DMRT1: variants seen among roughly 807,000 people sequenced by gnomAD.
DMRT1 encodes the protein doublesex- and mab-3-related transcription factor 1.
DMRT1 carries 7 observed loss-of-function variants against 32.3 expected under a neutral mutation model. That is an observed-to-expected ratio of 0.22 (90% CI 0.12 to 0.41). The LOEUF is 0.41. Ranked by LOEUF, DMRT1 falls within the 10% of genes least tolerant of loss-of-function variation. The pLI is 1.00. For synonymous variants in DMRT1, 278 were observed against 206.1 expected, an observed-to-expected ratio of 1.35 and a Z score of -2.99; for missense variants, 625 against 500.5, an observed-to-expected ratio of 1.25 and a Z score of -2.37.
At chr9:902,865 C>G (rs968399857) in intron 3 of DMRT1, among the ~76,000 whole-genome samples, 10 of 152,064 alleles carry the variant, frequency 6.6e-5, no homozygotes, top group African/African-American at 2.2e-4. Context: ...TCACAGGAAC[C>G]CCAAGTAGGT....
chr9:947,689 T>C (rs983790797), intron 4 of DMRT1, among the ~76,000 whole-genome samples: 1 of 152,160 alleles, frequency 6.6e-6, no homozygotes, highest in Admixed American at 6.5e-5. Context: ...AGTGGCGCGA[T>C]CTCGGCTCAC....
intron 2 of DMRT1, among the ~76,000 whole-genome samples, chr9:874,723 G>C (rs891593773): frequency 1.3e-5 from 2 of 150,760 alleles, no homozygotes; most frequent in Admixed American, 6.6e-5. Context: ...CTTCTTGGCT[G>C]TCTTGGCCTT....
intron 2 of DMRT1, among the ~76,000 whole-genome samples, chr9:883,734 G>A (rs922408240): frequency 6.6e-6 from 1 of 151,222 alleles, no homozygotes; most frequent in African/African-American, 2.4e-5. Flanking sequence ...GGAGGCTGCC[G>A]TGAGCCATGA....
intron 2 of DMRT1, among the ~76,000 whole-genome samples, chr9:891,405 C>T (rs549367226): frequency 1.3e-5 from 2 of 151,658 alleles, no homozygotes; most frequent in Admixed American, 6.6e-5. Flanking sequence ...GAGCCGAGAT[C>T]GTACCACTGC....
chr9:898,029 C>G (rs996566386), intron 3 of DMRT1, among the ~76,000 whole-genome samples: 2 of 151,866 alleles, frequency 1.3e-5, no homozygotes, highest in African/African-American at 4.9e-5. Context: ...TAGTAAAAAT[C>G]TACAAATAAT....
At chr9:889,776 T>A (rs138774685) in intron 2 of DMRT1, among the ~76,000 whole-genome samples, 1 of 152,352 alleles carries the variant, frequency 6.6e-6, no homozygotes, top group African/African-American at 2.4e-5. Context: ...TATTTTGTTT[T>A]CTTTTTTAAG....
chr9:884,563 A>C (rs762645875), intron 2 of DMRT1, among the ~76,000 whole-genome samples: 90 of 152,214 alleles, frequency 5.9e-4, no homozygotes, highest in Non-Finnish European at 9.6e-4. Flanking sequence ...GCTATTGGTA[A>C]TTTTTCCAGA....
rs562785097 is a variant in DMRT1 at position 928,844 on chromosome 9, A to T, written c.967+11937A>T. On this transcript the variant is annotated intron_variant, in intron 4 of 4. Transcript: ENST00000382276. ...AAATTTAAATTTTATTTATTTATTT[A>T]TTTTTATTTATTTATTTATTTATTT... Among the ~76,000 whole-genome samples, 321 of 149,498 alleles carry T rather than the reference A, an allele frequency of 2.1e-3. 4 individuals carry two copies. The South Asian group carries it at 0.022, about 10-fold the overall frequency.
At chr9:954,437 G>A (rs1819529257) in intron 4 of DMRT1, among the ~76,000 whole-genome samples, 1 of 152,070 alleles carries the variant, frequency 6.6e-6, no homozygotes, top group Non-Finnish European at 1.5e-5. Context: ...GGATGTGGCA[G>A]AGTTCAAGAG....
intron 4 of DMRT1, among the ~76,000 whole-genome samples, chr9:949,338 A>C (rs1232617384): frequency 1.3e-5 from 2 of 150,948 alleles, no homozygotes; most frequent in Non-Finnish European, 2.9e-5. Flanking sequence ...CATTGCACTG[A>C]AGCCTGGGAG....
intron 2 of DMRT1, among the ~76,000 whole-genome samples, chr9:848,712 C>T (rs1342059884): frequency 6.7e-6 from 1 of 149,794 alleles, no homozygotes; most frequent in African/African-American, 2.4e-5. Flanking sequence ...CGCCACCACA[C>T]CCGACTAATT....
intron 2 of DMRT1, among the ~76,000 whole-genome samples, chr9:882,760 C>CT (rs1010078425): frequency 0.09 from 10,655 of 118,348 alleles, 1,494 homozygotes; most frequent in African/African-American, 0.26. Flanking sequence ...TCCCCTGAAT[C>CT]TTTTTTTTTT....
chr9:895,466 G>T (rs543849334), intron 3 of DMRT1, among the ~76,000 whole-genome samples: 4 of 152,266 alleles, frequency 2.6e-5, no homozygotes, highest in South Asian at 2.1e-4. Flanking sequence ...TTGATTCAAC[G>T]CAATGCCACA....
At chr9:872,551 C>T (rs555649976) in intron 2 of DMRT1, among the ~76,000 whole-genome samples, 7 of 151,688 alleles carry the variant, frequency 4.6e-5, no homozygotes, top group Admixed American at 2.0e-4. Flanking sequence ...CTATTCCAGA[C>T]ATTTCATGTA....
At chr9:963,085 A>G (rs1309272320) in intron 4 of DMRT1, among the ~76,000 whole-genome samples, 1 of 152,220 alleles carries the variant, frequency 6.6e-6, no homozygotes, top group African/African-American at 2.4e-5. Flanking sequence ...AAGTTCACCT[A>G]GTTTTTAAAG....
At chr9:876,649 AGCCTC>A (rs1816511959) in intron 2 of DMRT1, among the ~76,000 whole-genome samples, 1 of 151,854 alleles carries the variant, frequency 6.6e-6, no homozygotes, top group Non-Finnish European at 1.5e-5. Context: ...TTCCCCACTC[AGCCTC>A]CTGAGTAGCT....
At chr9:862,352 C>G (rs1054196699) in intron 2 of DMRT1, among the ~76,000 whole-genome samples, 29 of 152,076 alleles carry the variant, frequency 1.9e-4, no homozygotes, top group African/African-American at 4.8e-4. Flanking sequence ...AATAGGAAAA[C>G]CAGTCAGGTG....
rs947646658 is a variant in DMRT1, at chr9:945,356, A to T, written c.968-22629A>T. On this transcript the variant is annotated intron_variant, in intron 4 of 4. Transcript: ENST00000382276. ...TTTTTAGTAGAGACAGGGTTTCACC[A>T]TGGTGGCCAGGCCGGTCTTGAACTC... Among the ~76,000 whole-genome samples the T allele has an allele frequency of 2.6e-5, 4 of 152,280 alleles. No individual in the cohort carries two copies. In the East Asian group the frequency reaches 7.7e-4, roughly 29 times the overall value.
intron 2 of DMRT1, among the ~76,000 whole-genome samples, chr9:870,372 T>C (rs138453339): frequency 0.013 from 2,033 of 151,678 alleles, 43 homozygotes; most frequent in African/African-American, 0.044. Flanking sequence ...GCACTCCAGC[T>C]TGGACAACAA....
Sources: allele counts gnomAD v4.1 joint callset (sites outside exome capture counted in the v4.1 genomes callset), GRCh38; gene constraint gnomAD v4.1.1; transcripts MANE v1.5; gene names NCBI Gene and HGNC (gene_info 2026-07-23, HGNC 2026-07-21).